The following TCF7L1 variants were observed in gnomAD, a reference collection of about 807,000 sequenced individuals.
TCF7L1 encodes transcription factor 7 like 1.
In TCF7L1, 18 loss-of-function variants were observed where a neutral mutation model predicts 63.7. The ratio of observed to expected loss-of-function variants is 0.28; its 90% confidence interval spans 0.20 to 0.42. The LOEUF (loss-of-function observed/expected upper bound fraction) is 0.42, where lower values mean the gene tolerates loss of function less well. TCF7L1 is among the 10% of genes least tolerant of loss of function. TCF7L1 has a pLI of 1.00. For synonymous variants in TCF7L1, 355 were observed against 340.9 expected (o/e 1.04, Z -0.46); for missense variants, 654 against 779.3 (o/e 0.84, Z 1.91).
At chr2:85,228,144 G>A (rs937400371) in intron 3 of TCF7L1, among the ~76,000 whole-genome samples, 5 of 152,140 alleles carry the variant, frequency 3.3e-5, no homozygotes, top group Middle Eastern at 3.2e-3. Flanking sequence ...AGGAGACTGG[G>A]TGTGGTGGCT....
chr2:85,243,641 G>A (rs1176994270), intron 3 of TCF7L1, among the ~76,000 whole-genome samples: 1 of 152,198 alleles, frequency 6.6e-6, no homozygotes, highest in African/African-American at 2.4e-5. Flanking sequence ...ATGGGCTGAG[G>A]AGAGAGAGCT....
intron 3 of TCF7L1, among the ~76,000 whole-genome samples, chr2:85,230,702 G>A (rs990873763): frequency 1.3e-5 from 2 of 152,082 alleles, no homozygotes; most frequent in Middle Eastern, 3.2e-3. Context: ...AGCTTATACC[G>A]GGGGCAACCA....
intron 3 of TCF7L1, among the ~76,000 whole-genome samples, chr2:85,173,073 G>A (rs1339300215): frequency 6.6e-6 from 1 of 152,204 alleles, no homozygotes; most frequent in Admixed American, 6.5e-5. Context: ...TTAAAAGATC[G>A]AAATTTCCCG....
intron 3 of TCF7L1, among the ~76,000 whole-genome samples, chr2:85,276,344 C>T (rs566666721): frequency 2.1e-4 from 32 of 152,196 alleles, no homozygotes; most frequent in Non-Finnish European, 4.4e-4. Context: ...TTTACGTATT[C>T]TCGGCAGACT....
chr2:85,153,340 A>ATATTTTTTTTTTT (rs750002994), intron 3 of TCF7L1, among the ~76,000 whole-genome samples: 67 of 102,270 alleles, frequency 6.6e-4, no homozygotes, highest in African/African-American at 2.8e-3. Flanking sequence ...GCCTTTATAA[A>ATATTTTTTTTTTT]TTTTTTTTTT....
At chr2:85,208,677 G>A (rs1290294893) in intron 3 of TCF7L1, among the ~76,000 whole-genome samples, 1 of 152,184 alleles carries the variant, frequency 6.6e-6, no homozygotes, top group African/African-American at 2.4e-5. Flanking sequence ...ACCAGGTTTA[G>A]TGGAAGAGGG....
At chr2:85,218,151 C>T (rs1679752877) in intron 3 of TCF7L1, among the ~76,000 whole-genome samples, 1 of 151,862 alleles carries the variant, frequency 6.6e-6, no homozygotes, top group Admixed American at 6.6e-5. Context: ...ATAAATGCTC[C>T]CTTTTCAAAG....
chr2:85,176,719 G>T (rs777547347), intron 3 of TCF7L1, among the ~76,000 whole-genome samples: 3 of 152,178 alleles, frequency 2.0e-5, no homozygotes, highest in Admixed American at 6.5e-5. Context: ...AGGCACAGTG[G>T]TTCACGCCTG....
At chr2:85,148,213 A>G (rs1419471694) in intron 3 of TCF7L1, among the ~76,000 whole-genome samples, 1 of 152,106 alleles carries the variant, frequency 6.6e-6, no homozygotes, top group Non-Finnish European at 1.5e-5. Context: ...TAATGCAGGA[A>G]GGGGCTGGGA....
intron 3 of TCF7L1, among the ~76,000 whole-genome samples, chr2:85,197,459 G>A (rs1340060412): frequency 6.6e-6 from 1 of 152,168 alleles, no homozygotes; most frequent in Non-Finnish European, 1.5e-5. Flanking sequence ...TGTCTGCTAA[G>A]GCTCCTTGTG....
In TCF7L1 at chr2:85,237,131, G is replaced by A. The variant is rs140314811; in HGVS notation, c.442-46364G>A. ...AGGAGGTGGTGATCATTTGGAGCACGTCTTAGGACTGGAGAGGCCCAAAAT... is the reference window on the plus strand; with the variant it reads ...AGGAGGTGGTGATCATTTGGAGCACATCTTAGGACTGGAGAGGCCCAAAAT... On this transcript the variant is annotated intron_variant, in intron 3 of 11. Transcript: ENST00000282111. 7.0e-3 allele frequency among the ~76,000 whole-genome samples: 1,064 copies of A among 152,280 alleles called. 19 individuals carry two copies. The highest frequency in any genetic ancestry group is 0.024 in the African/African-American group (988 of 41,540).
intron 3 of TCF7L1, among the ~76,000 whole-genome samples, chr2:85,220,399 C>T (rs1214297575): frequency 6.6e-6 from 1 of 151,880 alleles, no homozygotes; most frequent in African/African-American, 2.4e-5. Context: ...GAGATGGAGT[C>T]TCACTGTCAC....
chr2:85,195,855 T>C (rs1679143662), intron 3 of TCF7L1, among the ~76,000 whole-genome samples: 1 of 152,158 alleles, frequency 6.6e-6, no homozygotes, highest in South Asian at 2.1e-4. Flanking sequence ...CCCTATTTTC[T>C]TTCTTAAAAA....
chr2:85,137,963 T>G (rs905588209), intron 3 of TCF7L1, among the ~76,000 whole-genome samples: 2 of 151,806 alleles, frequency 1.3e-5, no homozygotes, highest in African/African-American at 4.8e-5. Flanking sequence ...AAAAATGGTT[T>G]AAGACAAAGA....
chr2:85,236,032 G>A (rs898419562), intron 3 of TCF7L1, among the ~76,000 whole-genome samples: 8 of 152,096 alleles, frequency 5.3e-5, no homozygotes, highest in Non-Finnish European at 1.5e-5. Flanking sequence ...ATGGTGGCAT[G>A]CCCTCAGCTA....
chr2:85,134,105 C>A lies in TCF7L1; in HGVS notation c.313+26C>A, dbSNP rs200043780. 490 of 1,606,018 alleles carry A rather than the reference C, an allele frequency of 3.1e-4. No individual in the cohort carries two copies. In the African/African-American group the frequency reaches 5.6e-3, roughly 18 times the overall value. On this transcript the variant is annotated intron_variant, in intron 2 of 11. Transcript: ENST00000282111. The surrounding 1 kb of genome is among the most constrained non-coding windows in gnomAD (Gnocchi z 5.0). Reference sequence around the variant, plus strand: ...GTATGTGCCCGCTGGGACAGCCCCCCACTCTCGATTCCCGCTGCGCTCCGC... The same window carrying A: ...GTATGTGCCCGCTGGGACAGCCCCCAACTCTCGATTCCCGCTGCGCTCCGC...
intron 3 of TCF7L1, among the ~76,000 whole-genome samples, chr2:85,180,984 G>A (rs1678793499): frequency 6.6e-6 from 1 of 152,234 alleles, no homozygotes; most frequent in Non-Finnish European, 1.5e-5. Context: ...GGCATCCAGA[G>A]TGGCTCTGCT....
chr2:85,294,045 T>TTTTTTTTTTTTTC (rs1558658905), intron 4 of TCF7L1, among the ~76,000 whole-genome samples: 1 of 113,406 alleles, frequency 8.8e-6, no homozygotes, highest in Non-Finnish European at 1.8e-5. Flanking sequence ...TTTTTTTTTT[T>TTTTTTTTTTTTTC]TTTTTTTTTG....
chr2:85,303,209 G>A (rs1365225833), intron 5 of TCF7L1, among the ~76,000 whole-genome samples: 4 of 152,058 alleles, frequency 2.6e-5, no homozygotes, highest in Non-Finnish European at 2.9e-5. Context: ...GCTAATTTTT[G>A]TATTTTTAGT....
Sources: gnomAD v4.1 joint callset for allele counts (sites outside exome capture counted in the v4.1 genomes callset) on GRCh38, gnomAD v4.1.1 for gene constraint, Gnocchi (gnomAD v3.1) non-coding constraint, MANE v1.5 for transcripts, NCBI Gene and HGNC (gene_info 2026-07-23, HGNC 2026-07-21) for gene names.